AOPEP: variants seen among roughly 807,000 people sequenced by gnomAD.
AOPEP encodes the protein aminopeptidase O (putative).
AOPEP carries 77 observed loss-of-function variants against 98.1 expected under a neutral mutation model. The observed-to-expected ratio is 0.78, with a 90% CI of 0.65 to 0.95. The LOEUF (loss-of-function observed/expected upper bound fraction) is 0.95, where lower values mean the gene tolerates loss of function less well. AOPEP is among the 40% of genes least tolerant of loss of function. The probability of loss-of-function intolerance (pLI) is 0.00; values close to 1 mark genes in which losing one functional copy is unlikely to be tolerated. For missense variants in AOPEP, 1,024 were observed against 1,024.7 expected, an observed-to-expected ratio of 1.00 and a Z score of 0.01; for synonymous variants, 346 against 365.3, an observed-to-expected ratio of 0.95 and a Z score of 0.60.
At chr9:95,004,707 G>A (rs1243315771) in intron 11 of AOPEP, among the ~76,000 whole-genome samples, 6 of 147,464 alleles carry the variant, frequency 4.1e-5, no homozygotes, top group Non-Finnish European at 5.9e-5. Flanking sequence ...CGCGGAGCCG[G>A]GGGAGGGGTG....
At chr9:95,038,919 C>A (rs1228558277) in intron 13 of AOPEP, among the ~76,000 whole-genome samples, 1 of 152,250 alleles carries the variant, frequency 6.6e-6, no homozygotes. Flanking sequence ...TTACGGATAA[C>A]CTCGATGAGT....
intron 14 of AOPEP, among the ~76,000 whole-genome samples, chr9:95,072,791 C>T (rs1409964126): frequency 6.6e-6 from 1 of 152,234 alleles, no homozygotes; most frequent in Non-Finnish European, 1.5e-5. Context: ...TGCCCGTTGT[C>T]ACGGGACCTG....
At chr9:94,942,072 G>A (rs2057070561) in intron 7 of AOPEP, among the ~76,000 whole-genome samples, 1 of 152,108 alleles carries the variant, frequency 6.6e-6, no homozygotes, top group African/African-American at 2.4e-5. Flanking sequence ...GTGTAGCACT[G>A]ATTCATTATA....
intron 16 of AOPEP, 60 bp downstream of exon 16, chr9:95,082,779 C>T: frequency 6.4e-7 from 1 of 1,571,198 alleles, no homozygotes; most frequent in Non-Finnish European, 8.7e-7. Context: ...TTTTAGGAGC[C>T]AACTAAATCA....
chr9:95,057,739 A>G (rs945918784), intron 13 of AOPEP, among the ~76,000 whole-genome samples: 1 of 152,134 alleles, frequency 6.6e-6, no homozygotes, highest in African/African-American at 2.4e-5. Context: ...TTCAGAAACT[A>G]CATTTCCCCC....
intron 1 of AOPEP, among the ~76,000 whole-genome samples, chr9:94,749,801 A>G (rs960583414): frequency 1.2e-4 from 18 of 152,222 alleles, no homozygotes; most frequent in African/African-American, 3.9e-4. Flanking sequence ...TAATATGAAT[A>G]GCTGCTTTAA....
At chr9:95,107,552 C>T in the AOPEP span, 1 of 534,308 alleles carries the variant, frequency 1.9e-6, no homozygotes. Flanking sequence ...AAGTTCTCAA[C>T]AGAATGTAGT....
At chr9:94,971,356 A>C (rs1461684978) in intron 10 of AOPEP, among the ~76,000 whole-genome samples, 1 of 152,192 alleles carries the variant, frequency 6.6e-6, no homozygotes, top group East Asian at 1.9e-4. Context: ...TCATTTTTAC[A>C]ATGAATCGAT....
intron 2 of AOPEP, among the ~76,000 whole-genome samples, chr9:94,767,520 C>T (rs1369523359): frequency 2.0e-5 from 3 of 152,210 alleles, no homozygotes; most frequent in Non-Finnish European, 4.4e-5. Context: ...CTAGTGAGAG[C>T]TGTGTGGTAA....
the AOPEP span, chr9:95,107,469 T>G: frequency 8.0e-5 from 51 of 640,442 alleles, no homozygotes; most frequent in Non-Finnish European, 1.4e-4. Flanking sequence ...TGACTTTCTT[T>G]CGTCTTGCTC....
intron 13 of AOPEP, among the ~76,000 whole-genome samples, chr9:95,037,916 G>T (rs543879128): frequency 2.0e-5 from 3 of 152,290 alleles, no homozygotes; most frequent in South Asian, 2.1e-4. Context: ...GTGTCATGCC[G>T]TGGTGGGGAA....
intron 14 of AOPEP, among the ~76,000 whole-genome samples, chr9:95,067,885 C>T (rs1481557378): frequency 6.6e-6 from 1 of 152,180 alleles, no homozygotes; most frequent in Non-Finnish European, 1.5e-5. Context: ...TTTTCTGTCT[C>T]TATAGATTTG....
chr9:95,059,062 C>T (rs1421426088), intron 13 of AOPEP, among the ~76,000 whole-genome samples: 1 of 152,200 alleles, frequency 6.6e-6, no homozygotes, highest in East Asian at 1.9e-4. Flanking sequence ...TTGGCCTCTT[C>T]TGTAAAACAG....
downstream of AOPEP, among the ~76,000 whole-genome samples, chr9:95,091,519 G>T (rs945617184): frequency 3.9e-5 from 6 of 152,206 alleles, no homozygotes; most frequent in Non-Finnish European, 5.9e-5. Flanking sequence ...GGGGCACGGA[G>T]ACGGTGGCCA....
At chr9:94,846,360 G>C (rs2042866237) in intron 5 of AOPEP, among the ~76,000 whole-genome samples, 1 of 152,136 alleles carries the variant, frequency 6.6e-6, no homozygotes. Flanking sequence ...TGGTTCAGTG[G>C]GGGTCACTGG....
At chr9:95,095,493 GCTT>G in the AOPEP span, among the ~76,000 whole-genome samples, 1 of 152,320 alleles carries the variant, frequency 6.6e-6, no homozygotes, top group South Asian at 2.1e-4. Context: ...TAGGAAATTC[GCTT>G]TTTTCATGTG....
At chr9:94,820,895 G>A (rs1261723505) in intron 5 of AOPEP, among the ~76,000 whole-genome samples, 2 of 152,242 alleles carry the variant, frequency 1.3e-5, no homozygotes, top group Non-Finnish European at 2.9e-5. Flanking sequence ...GTGTCTTGGT[G>A]AAGATCTTGC....
intron 14 of AOPEP, among the ~76,000 whole-genome samples, chr9:95,061,849 A>G (rs763823742): frequency 1.3e-5 from 2 of 152,206 alleles, no homozygotes; most frequent in Admixed American, 6.5e-5. Context: ...GCATAGACCA[A>G]ATTTACAACT....
chr9:95,099,295 G>A, the AOPEP span: 1 of 223,576 alleles, frequency 4.5e-6, no homozygotes, highest in Non-Finnish European at 8.9e-6. Context: ...AGTAAGGTCA[G>A]ATTCCAGACC....
Sources: gnomAD v4.1 joint callset for allele counts (sites outside exome capture counted in the v4.1 genomes callset) on GRCh38, gnomAD v4.1.1 for gene constraint, MANE v1.5 for transcripts, NCBI Gene and HGNC (gene_info 2026-07-23, HGNC 2026-07-21) for gene names.